Variants in LAMC3 observed in about 807,000 individuals in gnomAD.
LAMC3 encodes the protein laminin subunit gamma 3, also known as laminin subunit gamma-3.
Under a neutral mutation model 173.8 loss-of-function variants are expected in LAMC3, and 128 were observed. The observed-to-expected ratio is 0.74, with a 90% confidence interval of 0.64 to 0.85. LAMC3 has a LOEUF of 0.85. Ranked by LOEUF, LAMC3 falls within the 40% of genes least tolerant of loss-of-function variation. The pLI is 0.00. For missense variants in LAMC3, 2,022 were observed against 2,156.0 expected (o/e 0.94, Z 1.23); for synonymous variants, 897 against 909.1 (o/e 0.99, Z 0.24).
intron 23 of LAMC3, among the ~76,000 whole-genome samples, chr9:131,079,929 C>T (rs1830207832): frequency 6.6e-6 from 1 of 152,184 alleles, no homozygotes; most frequent in African/African-American, 2.4e-5. Context: ...CATTTGAAAG[C>T]TGCAGAGAAG....
intron 13 of LAMC3, among the ~76,000 whole-genome samples, chr9:131,064,723 G>A (rs1300323606): frequency 6.8e-6 from 1 of 148,034 alleles, no homozygotes; most frequent in Non-Finnish European, 1.5e-5. Flanking sequence ...GTGTAAAAAT[G>A]TCAAGAGGAA....
At chr9:131,088,646 T>C (rs1421137084) in intron 27 of LAMC3, among the ~76,000 whole-genome samples, 1 of 152,188 alleles carries the variant, frequency 6.6e-6, no homozygotes, top group Non-Finnish European at 1.5e-5. Flanking sequence ...AGTATATTCA[T>C]TGTTGTGCGA....
At position 131,077,175 on chromosome 9, in the gene LAMC3, G is replaced by A; in HGVS notation, c.3630-12G>A. 1 of 1,613,078 alleles carries A rather than the reference G, an allele frequency of 6.2e-7. No homozygotes were observed. The highest frequency in any genetic ancestry group is 8.5e-7 in the Non-Finnish European group (1 of 1,180,022). ...TTCTGCACCCAGCTCCGTGGCCTCT[G>A]CTTCCTCCCAGGTACCAGGAGGTCC... On this transcript the variant is annotated splice_polypyrimidine_tract_variant and intron_variant, in intron 21 of 27. Transcript: ENST00000361069.
At position 131,091,781 on chromosome 9, in the gene LAMC3, G is replaced by T. The variant is rs370327225; in HGVS notation, c.4722G>T (p.Trp1574Cys). 7 of 1,612,244 alleles carry T rather than the reference G, an allele frequency of 4.3e-6. No individual in the cohort carries two copies. Among genetic ancestry groups the T allele is most frequent in the Non-Finnish European group, 5.1e-6 (6 of 1,179,984 alleles). ...LHSLPENCAS[W>C]Q is the part of the protein sequence containing the mutation. ...GCCTGCCCGAGAACTGTGCCAGCTG[G>T]CAGTGAGGGCTGCCCAGATCCCCGG... Residue 1574 changes from tryptophan to cysteine, a missense_variant, in exon 28 of 28, where the codon TGG (tryptophan) becomes TGT (cysteine). Physicochemically the swap from Trp to Cys is radical, Grantham distance 215. Transcript: ENST00000361069.
intron 9 of LAMC3, among the ~76,000 whole-genome samples, chr9:131,052,216 C>T (rs2133280259): frequency 6.6e-6 from 1 of 152,272 alleles, no homozygotes; most frequent in East Asian, 1.9e-4. Context: ...CTCCGTGTTC[C>T]ATCGGACGTC....
intron 1 of LAMC3, among the ~76,000 whole-genome samples, chr9:131,020,392 TGAACCAGG>T (rs969782251): frequency 6.6e-6 from 1 of 152,230 alleles, no homozygotes; most frequent in Admixed American, 6.5e-5. Context: ...AGACCCTGGC[TGAACCAGG>T]GATAGGCTCC....
chr9:131,049,115 G>A lies in LAMC3; in HGVS notation c.1615G>A (p.Glu539Lys), dbSNP rs1261755940. The part of the protein sequence containing the change: ...GVLLSPEDEE[E>K]LTAPEKFLGD... ...CCTCCTGAGCCCAGAAGACGAGGAG[G>A]AGCTCACAGCACCAGGTACCTCCAG... The change falls in exon 9 of 28, where the codon GAG becomes AAG. Residue 539 changes from glutamate to lysine, a missense_variant. By Grantham distance (56) the Glu-to-Lys change is moderately conservative. Transcript: ENST00000361069. 1.9e-6 allele frequency: 3 copies of A among 1,550,022 alleles called. No individual in the cohort carries two copies. Among genetic ancestry groups the A allele is most frequent in the African/African-American group, 1.4e-5 (1 of 73,130 alleles).
chr9:131,069,581 C>A, intron 16 of LAMC3, 91 bp from the exon 17 acceptor site: 1 of 1,351,794 alleles, frequency 7.4e-7, no homozygotes, highest in South Asian at 1.3e-5. Flanking sequence ...CACCCAGAAC[C>A]CAGCACGCAC....
chr9:131,054,962 T>C (rs1834374045), intron 11 of LAMC3, among the ~76,000 whole-genome samples: 1 of 151,684 alleles, frequency 6.6e-6, no homozygotes. Context: ...GTAGAAAGCC[T>C]GGTTTTCTGT....
chr9:131,053,748 G>A (rs376679213), intron 11 of LAMC3, among the ~76,000 whole-genome samples: 18 of 152,202 alleles, frequency 1.2e-4, no homozygotes, highest in African/African-American at 2.4e-4. Flanking sequence ...CAGGAGAATC[G>A]CTTGAACCCA....
intron 27 of LAMC3, among the ~76,000 whole-genome samples, chr9:131,090,648 T>C (rs1830408406): frequency 6.6e-6 from 1 of 152,072 alleles, no homozygotes; most frequent in Non-Finnish European, 1.5e-5. Flanking sequence ...CCCAGCACTT[T>C]GGGAGGCCAA....
intron 1 of LAMC3, among the ~76,000 whole-genome samples, chr9:131,019,798 G>A (rs1348148982): frequency 6.6e-6 from 1 of 152,014 alleles, no homozygotes; most frequent in Non-Finnish European, 1.5e-5. Flanking sequence ...GGGTGCTGGT[G>A]CCCATGGAGA....
chr9:131,075,325 G>C (rs1265680341), intron 20 of LAMC3, among the ~76,000 whole-genome samples: 6 of 152,152 alleles, frequency 3.9e-5, no homozygotes, highest in African/African-American at 1.4e-4. Flanking sequence ...TGTAATCCCA[G>C]CACTTTGGGA....
At chr9:131,063,032 T>G (rs75432639) in intron 13 of LAMC3, among the ~76,000 whole-genome samples, 1 of 152,248 alleles carries the variant, frequency 6.6e-6, no homozygotes, top group African/African-American at 2.4e-5. Flanking sequence ...GCTTGTTTCA[T>G]GCAGTGTAAT....
chr9:131,062,594 C>T (rs1588158136), intron 13 of LAMC3, among the ~76,000 whole-genome samples: 2 of 152,040 alleles, frequency 1.3e-5, no homozygotes, highest in African/African-American at 4.8e-5. Context: ...TGAGGCCAGG[C>T]GCAGTGGCTC....
At chr9:131,079,443 C>T (rs1368251108) in intron 23 of LAMC3, 145 bp downstream of exon 23, 8 of 955,440 alleles carry the variant, frequency 8.4e-6, no homozygotes, top group African/African-American at 1.6e-5. Context: ...ACCTGTAATC[C>T]CACCACTTTG....
chr9:131,071,713 C>T, intron 18 of LAMC3, 88 bp downstream of exon 18: 3 of 1,366,046 alleles, frequency 2.2e-6, no homozygotes, highest in Non-Finnish European at 2.9e-6. Context: ...CTTTGGGGGC[C>T]CTCCCAAAAC....
Position 131,052,929 on chromosome 9 carries a change from C to A in LAMC3, c.1903C>A (p.Leu635Ile). 6.2e-7 allele frequency: 1 copy of A among 1,613,692 alleles called. No homozygotes were observed. Among genetic ancestry groups the A allele is most frequent in the Admixed American group, 1.7e-5 (1 of 60,028 alleles). Residue 635 changes from leucine to isoleucine, a missense_variant, in exon 11 of 28, where the codon CTC becomes ATC. Transcript: ENST00000361069. The stretch of plus-strand genomic sequence containing the variant: ...GCGGCTCCTCGCCAACCTGACCAGC[C>A]TCCGCCTCCGCGTCAGTCCCGGCCC... ...FQRLLANLTS[L>I]RLRVSPGPSP...
intron 7 of LAMC3, among the ~76,000 whole-genome samples, chr9:131,044,133 A>AT: frequency 6.6e-6 from 1 of 151,458 alleles, no homozygotes; most frequent in Non-Finnish European, 1.5e-5. Flanking sequence ...TAATTTTTGT[A>AT]TTTTTAGTAG....
Sources: allele counts gnomAD v4.1 joint callset (sites outside exome capture counted in the v4.1 genomes callset), GRCh38; gene constraint gnomAD v4.1.1; transcripts MANE v1.5; gene names NCBI Gene and HGNC (gene_info 2026-07-23, HGNC 2026-07-21).